Variants in STARD9 observed in about 807,000 individuals in gnomAD.
STARD9 encodes the protein StAR related lipid transfer domain containing 9.
Under a neutral mutation model 399.8 loss-of-function variants are expected in STARD9, and 346 were observed. That is an observed-to-expected ratio of 0.87 (90% confidence interval 0.79 to 0.95). The LOEUF is 0.95. Among genes scored for constraint, STARD9 ranks in the 40% least tolerant of loss-of-function variants. The pLI is 0.00. For synonymous variants in STARD9, 2,203 were observed against 2,143.5 expected (o/e 1.03, Z -0.77); for missense variants, 5,832 against 5,667.5 (o/e 1.03, Z -0.93).
At chr15:42,704,825 A>G (rs1319875036) in intron 26 of STARD9, among the ~76,000 whole-genome samples, 1 of 152,148 alleles carries the variant, frequency 6.6e-6, no homozygotes, top group African/African-American at 2.4e-5. Flanking sequence ...CATGTTGCCT[A>G]CAGTTGGAGG....
chr15:42,652,103 C>T (rs1394379675), intron 8 of STARD9, among the ~76,000 whole-genome samples: 1 of 152,092 alleles, frequency 6.6e-6, no homozygotes, highest in East Asian at 1.9e-4. Flanking sequence ...GAGGTATCTT[C>T]TCTAGCAAGC....
Position 42,692,896 on chromosome 15 carries a change from A to T in STARD9, c.11318A>T (p.Gln3773Leu), listed in dbSNP as rs758209114. The T allele has an allele frequency of 7.2e-6, 11 of 1,535,610 alleles. No homozygotes were observed. The South Asian group carries it at 1.2e-4, about 17-fold the overall frequency. ...GLGSDTSTVS[Q>L]EEGDVPGVPQ... The stretch of plus-strand genomic sequence containing the variant: ...GGCTCAGATACCTCGACTGTGTCTC[A>T]AGAAGAGGGAGATGTGCCAGGGGTA... Residue 3773 changes from glutamine to leucine, a missense_variant, in exon 23 of 33, where the codon CAA becomes CTA. Physicochemically the swap from Gln to Leu is moderately radical, Grantham distance 113 (BLOSUM62 -2). Transcript: ENST00000290607.
At chr15:42,597,186 C>A (rs889822340) in intron 3 of STARD9, among the ~76,000 whole-genome samples, 1 of 152,100 alleles carries the variant, frequency 6.6e-6, no homozygotes, top group Non-Finnish European at 1.5e-5. Flanking sequence ...GCCTCAACTT[C>A]CCCAGCCTAA....
chr15:42,718,724 C>A, intron 31 of STARD9, 28 bp from the exon 32 acceptor site: 1 of 1,535,926 alleles, frequency 6.5e-7, no homozygotes, highest in South Asian at 1.2e-5. Flanking sequence ...ACTACACAGG[C>A]AGGACTCCCA....
chr15:42,575,950 G>C (rs2058044795), intron 1 of STARD9, among the ~76,000 whole-genome samples, 188 bp downstream of exon 1: 1 of 152,042 alleles, frequency 6.6e-6, no homozygotes, highest in Non-Finnish European at 1.5e-5. Context: ...TTGTGTCCTG[G>C]GGATAGCGGT....
Position 42,689,697 on chromosome 15 carries a change from G to A in STARD9, c.8119G>A (p.Asp2707Asn). 6.5e-7 allele frequency: 1 copy of A among 1,537,878 alleles called. No individual in the cohort carries two copies. ...SSSEIIEKKK[D>N]ATRTPSSADP... The stretch of plus-strand genomic sequence containing the variant: ...TTCTGAAATCATAGAGAAAAAGAAA[G>A]ATGCAACCAGAACACCTTCCTCAGC... Residue 2707 changes from aspartate (D) to asparagine (N), a missense_variant, in exon 23 of 33, where the codon GAT becomes AAT. Physicochemically the swap from Asp to Asn is conservative, Grantham distance 23. Transcript: ENST00000290607.
intron 26 of STARD9, among the ~76,000 whole-genome samples, chr15:42,696,942 T>A (rs1475731340): frequency 6.6e-6 from 1 of 152,222 alleles, no homozygotes; most frequent in Non-Finnish European, 1.5e-5. Context: ...GATAGAGCAG[T>A]TGGAAATATA....
At position 42,685,924 on chromosome 15, in the gene STARD9, C is replaced by G; in HGVS notation, c.4346C>G (p.Thr1449Ser). 1 of 1,537,212 alleles carries G rather than the reference C, an allele frequency of 6.5e-7. No homozygotes were observed. The highest frequency in any genetic ancestry group is 1.4e-5 in the African/African-American group (1 of 73,170). The change falls in exon 23 of 33, where the codon ACC becomes AGC. Residue 1449 changes from threonine to serine, a missense_variant. Thr to Ser is a moderately conservative substitution (Grantham distance 58). Around this residue, in one of 2 missense-constraint regions of STARD9, gnomAD observed 5,828 missense variants for 5,651.1 expected, o/e 1.03. Transcript: ENST00000290607. Reference protein sequence around the residue: ...TFQGRCIPDMTQQGSSEASHN... With the variant: ...TFQGRCIPDMSQQGSSEASHN... ...CAGGGCAGATGTATCCCTGACATGA[C>G]CCAGCAGGGCAGCTCTGAAGCATCC... is the stretch of plus-strand genomic sequence containing the variant.
At chr15:42,577,893 C>T (rs1171417692) in intron 1 of STARD9, among the ~76,000 whole-genome samples, 1 of 152,102 alleles carries the variant, frequency 6.6e-6, no homozygotes, top group Non-Finnish European at 1.5e-5. Context: ...GTCATTGGAT[C>T]TGATGTTGTG....
chr15:42,662,292 T>TTTCTG (rs2060007312), intron 10 of STARD9, among the ~76,000 whole-genome samples: 1 of 152,238 alleles, frequency 6.6e-6, no homozygotes, highest in Admixed American at 6.5e-5. Flanking sequence ...CAAATTTTCT[T>TTTCTG]ATTTTAAAAC....
chr15:42,660,814 G>C (rs972092393), intron 9 of STARD9, among the ~76,000 whole-genome samples: 3 of 152,078 alleles, frequency 2.0e-5, no homozygotes, highest in African/African-American at 7.2e-5. Flanking sequence ...ATAAGAGTCA[G>C]AGCCCCCTGG....
intron 3 of STARD9, among the ~76,000 whole-genome samples, chr15:42,600,745 G>A (rs1422286911): frequency 1.2e-4 from 18 of 151,786 alleles, no homozygotes; most frequent in Admixed American, 3.3e-4. Flanking sequence ...GGCTGGTCTC[G>A]AACTCCTGAC....
Position 42,638,092 on chromosome 15 carries a change from G to A in STARD9, c.446+5G>A. The stretch of plus-strand genomic sequence containing the variant: ...CTCCTGTAGGATAAAAGTAAGGTAA[G>A]AACCTCCCAAGCTCTGGGACCTACA... On this transcript the variant is annotated splice_donor_5th_base_variant and intron_variant, in intron 6 of 32. Coordinates refer to ENST00000290607, the MANE Select transcript of STARD9 (RefSeq NM_020759.3). 6.5e-7 allele frequency: 1 copy of A among 1,536,414 alleles called. No homozygotes were observed. Among genetic ancestry groups the A allele is most frequent in the Admixed American group, 2.0e-5 (1 of 50,988 alleles).
In STARD9 at chr15:42,674,960, T is replaced by G; in HGVS notation, c.1683T>G (p.Thr561=). 1 of 1,533,246 alleles carries G rather than the reference T, an allele frequency of 6.5e-7. No homozygotes were observed. Among genetic ancestry groups the G allele is most frequent in the African/African-American group, 1.4e-5 (1 of 73,098 alleles). The allele number at this position is 1,533,246 out of a possible 1,614,324, so 95.0% of individuals were successfully genotyped here. The change falls in exon 18 of 33, where the codon ACT becomes ACG. Residue 561 remains threonine, a synonymous_variant. Transcript: ENST00000290607. ...GREVTASCRL[T]QGAVITLGKA... is the part of the protein sequence containing the mutation. ...AGGTCACTGCCTCCTGCCGTCTGAC[T>G]CAAGGTAGGACTGTCTGTAGCCCTG...
chr15:42,709,397 T>G (rs1332495175), intron 26 of STARD9, among the ~76,000 whole-genome samples: 2 of 151,744 alleles, frequency 1.3e-5, no homozygotes, highest in African/African-American at 4.8e-5. Flanking sequence ...CAAAAAATCT[T>G]GGAGACTAGC....
rs1031086534 is a variant in STARD9 at position 42,684,516 on chromosome 15, C to G, written c.2938C>G (p.Leu980Val). 2.0e-5 allele frequency: 30 copies of G among 1,537,004 alleles called. No homozygotes were observed. Among genetic ancestry groups the G allele is most frequent in the Non-Finnish European group, 2.5e-5 (29 of 1,146,874 alleles). ...TACCCAGACCAGAGGGGCGAAGGGA[C>G]TAGCAGACCCTAGCCACACACAAGC... ...STTQTRGAKG[L>V]ADPSHTQAGW... Residue 980 changes from leucine (L) to valine (V), a missense_variant, in exon 23 of 33, where the codon CTA becomes GTA. Leu to Val is a conservative substitution (Grantham distance 32). This residue lies in a region of STARD9 where 5,828 missense variants were observed against 5,651.1 expected (regional missense o/e 1.03). Transcript: ENST00000290607.
chr15:42,687,975 A>AT lies in STARD9; in HGVS notation c.6398dup (p.Met2133IlefsTer4). ...CTTTAGGGATAGTGAAGCTGGAGCG[A>AT]TGGAGGTTAACAGCATTGGGAACCA... is the stretch of plus-strand genomic sequence containing the variant. On this transcript the variant is annotated frameshift_variant, in exon 23 of 33. Transcript: ENST00000290607. LOFTEE classifies it high-confidence loss of function. The AT allele has an allele frequency of 6.5e-7, 1 of 1,537,470 alleles. No homozygotes were observed. Among genetic ancestry groups the AT allele is most frequent in the Non-Finnish European group, 8.7e-7 (1 of 1,146,974 alleles).
At chr15:42,606,736 A>G (rs1278366905) in intron 3 of STARD9, among the ~76,000 whole-genome samples, 2 of 151,690 alleles carry the variant, frequency 1.3e-5, no homozygotes, top group Non-Finnish European at 2.9e-5. Context: ...TGCTGGGATT[A>G]CAGGTGTAAG....
At chr15:42,661,472 C>G (rs1023888100) in intron 10 of STARD9, among the ~76,000 whole-genome samples, 4 of 152,096 alleles carry the variant, frequency 2.6e-5, no homozygotes, top group Non-Finnish European at 5.9e-5. Flanking sequence ...CAGTCTTACT[C>G]TGTTGCCCAG....
Sources: allele counts gnomAD v4.1 joint callset (sites outside exome capture counted in the v4.1 genomes callset), GRCh38; gene constraint gnomAD v4.1.1; regional missense constraint gnomAD v4.1.1; transcripts MANE v1.5; gene names NCBI Gene and HGNC (gene_info 2026-07-23, HGNC 2026-07-21).